Variants in FBXW4 observed in about 807,000 individuals in gnomAD.
FBXW4 encodes the protein F-box/WD repeat-containing protein 4.
FBXW4 carries 40 observed loss-of-function variants against 61.8 expected under a neutral mutation model. That is an observed-to-expected ratio of 0.65 (90% confidence interval 0.50 to 0.84). The LOEUF is 0.84. Among genes scored for constraint, FBXW4 ranks in the 40% least tolerant of loss-of-function variants. The pLI, the probability that FBXW4 is intolerant of heterozygous loss-of-function variation, is 0.00. For missense variants in FBXW4, 672 were observed against 753.8 expected, an observed-to-expected ratio of 0.89 and a Z score of 1.27; for synonymous variants, 311 against 313.8, an observed-to-expected ratio of 0.99 and a Z score of 0.10.
chr10:101,676,146 A>C (rs540973830), intron 2 of FBXW4, among the ~76,000 whole-genome samples, 195 bp downstream of exon 2: 70 of 152,312 alleles, frequency 4.6e-4, no homozygotes, highest in African/African-American at 1.7e-3. Context: ...CATTTGTTAA[A>C]GTACATTTCT....
In FBXW4 at chr10:101,677,745, C is replaced by T. The variant is rs187255969; in HGVS notation, c.726-1309G>A. On this transcript the variant is annotated intron_variant, in intron 1 of 8. Coordinates refer to ENST00000331272, the MANE Select transcript of FBXW4 (RefSeq NM_022039.4). The stretch of plus-strand genomic sequence containing the variant: ...AGGTTACAGTGAGCAGTGATTCCAC[C>T]ACTGCACTCCAGCCTAGGCAACAGA... Among the ~76,000 whole-genome samples the T allele has an allele frequency of 3.1e-3, 467 of 151,168 alleles. 7 individuals are homozygous for T. Among genetic ancestry groups the T allele is most frequent in the Non-Finnish European group, 2.7e-3 (186 of 67,842 alleles).
At chr10:101,648,782 A>G (rs1286200824) in intron 5 of FBXW4, among the ~76,000 whole-genome samples, 1 of 152,200 alleles carries the variant, frequency 6.6e-6, no homozygotes, top group African/African-American at 2.4e-5. Context: ...AAATAGTCAA[A>G]TATCAGATCT....
intron 5 of FBXW4, among the ~76,000 whole-genome samples, chr10:101,650,565 A>G (rs887040671): frequency 1.3e-4 from 20 of 152,142 alleles, no homozygotes; most frequent in Non-Finnish European, 4.4e-5. Context: ...CGCCCCCCTC[A>G]AGGGGTGGTG....
intron 7 of FBXW4, 32 bp downstream of exon 7, chr10:101,612,305 C>T (rs1414552628): frequency 6.6e-7 from 1 of 1,504,088 alleles, no homozygotes; most frequent in Non-Finnish European, 8.9e-7. Flanking sequence ...GCAGGGCCCC[C>T]ACCACCTGTC....
intron 4 of FBXW4, 65 bp from the exon 5 acceptor site, chr10:101,668,045 C>T (rs755873337): frequency 2.0e-5 from 25 of 1,237,732 alleles, no homozygotes; most frequent in Non-Finnish European, 2.9e-5. Flanking sequence ...GAGAGGTGCT[C>T]CGGGAGAGGT....
intron 1 of FBXW4, among the ~76,000 whole-genome samples, chr10:101,677,798 A>G (rs774617473): frequency 7.9e-5 from 12 of 152,032 alleles, no homozygotes; most frequent in South Asian, 6.2e-4. Context: ...AAAAAAAAAA[A>G]AGAGAAAAGA....
intron 5 of FBXW4, among the ~76,000 whole-genome samples, chr10:101,648,236 C>A (rs1345312536): frequency 6.6e-6 from 1 of 152,124 alleles, no homozygotes; most frequent in Non-Finnish European, 1.5e-5. Flanking sequence ...GTAGTGAAAG[C>A]AAAGGACAGG....
rs1282211319 is a variant in FBXW4 at position 101,667,744 on chromosome 10, T to C, written c.1235+142A>G. The C allele has an allele frequency of 4.2e-6, 3 of 714,164 alleles. No individual in the cohort carries two copies. The Admixed American group carries it at 6.5e-5, about 16-fold the overall frequency. The allele number at this position is 714,164 out of a possible 1,614,324, so 44.2% of individuals were successfully genotyped here. On this transcript the variant is annotated intron_variant, in intron 5 of 8. Coordinates refer to ENST00000331272, the MANE Select transcript of FBXW4 (RefSeq NM_022039.4). ...TGAAGTGGCCTAAATAACTCAAATC[T>C]CTGGAGGATTAAAAAATCTCCAAGA...
intron 1 of FBXW4, among the ~76,000 whole-genome samples, chr10:101,681,372 G>A (rs993115220): frequency 2.7e-4 from 38 of 138,304 alleles, no homozygotes; most frequent in Non-Finnish European, 9.2e-5. Context: ...TGGGCGACAA[G>A]AGCGAAACTC....
At chr10:101,651,952 G>A (rs2064149266) in intron 5 of FBXW4, among the ~76,000 whole-genome samples, 1 of 152,080 alleles carries the variant, frequency 6.6e-6, no homozygotes, top group Non-Finnish European at 1.5e-5. Flanking sequence ...GTCACAATGT[G>A]TAAATTCTTT....
chr10:101,661,974 G>A (rs936597158), intron 5 of FBXW4, among the ~76,000 whole-genome samples: 1 of 152,118 alleles, frequency 6.6e-6, no homozygotes, highest in African/African-American at 2.4e-5. Flanking sequence ...GCCAGAAAAA[G>A]AAAAACTCAG....
intron 1 of FBXW4, among the ~76,000 whole-genome samples, chr10:101,680,833 A>G (rs2064466991): frequency 6.6e-6 from 1 of 152,240 alleles, no homozygotes; most frequent in African/African-American, 2.4e-5. Flanking sequence ...ATGAAGAAAT[A>G]ATTCAAAAGA....
intron 5 of FBXW4, among the ~76,000 whole-genome samples, chr10:101,631,347 A>G (rs956500948): frequency 6.6e-6 from 1 of 152,212 alleles, no homozygotes; most frequent in Non-Finnish European, 1.5e-5. Flanking sequence ...ATGGAATATT[A>G]TACAGTCCTT....
chr10:101,611,434 G>A lies in FBXW4; in HGVS notation c.1585-24C>T, dbSNP rs2063783053. The A allele has an allele frequency of 2.5e-6, 4 of 1,608,630 alleles. No homozygotes were observed. Among genetic ancestry groups the A allele is most frequent in the Non-Finnish European group, 3.4e-6 (4 of 1,177,160 alleles). On this transcript the variant is annotated intron_variant, in intron 8 of 8. Transcript: ENST00000331272. This position sits in a 1 kb window ranked among gnomAD's most constrained non-coding sequence, Gnocchi z 4.9. ...GCCTGGAAGGGAGGGCACAGGAAGT[G>A]GTAAGAGCTTTCCAAGTGGGACATG...
chr10:101,653,065 A>G (rs549514042), intron 5 of FBXW4, among the ~76,000 whole-genome samples: 1 of 152,306 alleles, frequency 6.6e-6, no homozygotes, highest in East Asian at 1.9e-4. Flanking sequence ...TGACTGTCCC[A>G]TAAAACAAAA....
intron 5 of FBXW4, among the ~76,000 whole-genome samples, chr10:101,642,276 C>G (rs529634053): frequency 5.9e-5 from 9 of 152,216 alleles, no homozygotes; most frequent in Admixed American, 2.0e-4. Context: ...AGTGGCCAGG[C>G]ACAGTGGCTC....
At position 101,612,417 on chromosome 10, in the gene FBXW4, G is replaced by A. The variant is rs2063795358; in HGVS notation, c.1362C>T (p.Val454=). 11 of 1,599,002 alleles carry A rather than the reference G, an allele frequency of 6.9e-6. No individual in the cohort carries two copies. Among genetic ancestry groups the A allele is most frequent in the Non-Finnish European group, 9.4e-6 (11 of 1,172,420 alleles). The change falls in exon 7 of 9, where the codon GTC becomes GTT. Residue 454 remains valine, a synonymous_variant. Coordinates refer to ENST00000331272, the MANE Select transcript of FBXW4 (RefSeq NM_022039.4). ...GCAGTGTGAAAGGGGACTCATACAT[G>A]ACATCCAGCACCCCAGCCCCTGGGG... is the stretch of plus-strand genomic sequence containing the variant. ...DFPPGAGVLD[V]MYESPFTLLS... is the part of the protein sequence containing the mutation.
chr10:101,633,518 G>A (rs1198632568), intron 5 of FBXW4, among the ~76,000 whole-genome samples: 2 of 152,098 alleles, frequency 1.3e-5, no homozygotes, highest in African/African-American at 4.8e-5. Flanking sequence ...GATGGGTACA[G>A]CAAACCATCA....
At chr10:101,645,078 T>C (rs995503977) in intron 5 of FBXW4, among the ~76,000 whole-genome samples, 3 of 152,166 alleles carry the variant, frequency 2.0e-5, no homozygotes, top group Non-Finnish European at 4.4e-5. Flanking sequence ...GCTCCTTCAA[T>C]GGCCTGGGCT....
Sources: allele counts gnomAD v4.1 joint callset (sites outside exome capture counted in the v4.1 genomes callset), GRCh38; gene constraint gnomAD v4.1.1; non-coding constraint Gnocchi (gnomAD v3.1); transcripts MANE v1.5; gene names NCBI Gene and HGNC (gene_info 2026-07-23, HGNC 2026-07-21).